The following GFRAL variants were observed in gnomAD, a reference collection of about 807,000 sequenced individuals.
GFRAL encodes GDNF family receptor alpha-like.
In GFRAL, 36 loss-of-function variants were observed where a neutral mutation model predicts 45.4. The observed-to-expected ratio is 0.79, with a 90% CI of 0.61 to 1.05. The LOEUF is 1.05. Ranked by LOEUF, GFRAL falls within the 50% of genes least tolerant of loss-of-function variation. GFRAL has a pLI of 0.00. For synonymous variants in GFRAL, 166 were observed against 154.1 expected (o/e 1.08, Z -0.57); for missense variants, 507 against 467.5 (o/e 1.08, Z -0.78).
intron 6 of GFRAL, among the ~76,000 whole-genome samples, chr6:55,366,800 G>A (rs1322091918): frequency 1.7e-5 from 2 of 116,658 alleles, no homozygotes; most frequent in Non-Finnish European, 3.4e-5. Flanking sequence ...ACTGTGGTCT[G>A]AGAGATAGTT....
intron 5 of GFRAL, among the ~76,000 whole-genome samples, chr6:55,354,756 C>CT (rs933629521): frequency 1.2e-4 from 18 of 151,908 alleles, no homozygotes; most frequent in African/African-American, 4.3e-4. Context: ...TGATACTTAT[C>CT]TTTTTTGCAG....
chr6:55,388,071 C>A (rs1768702544), intron 6 of GFRAL, among the ~76,000 whole-genome samples: 1 of 152,146 alleles, frequency 6.6e-6, no homozygotes, highest in Non-Finnish European at 1.5e-5. Context: ...TTTCTTCTAG[C>A]AATGATTTCC....
chr6:55,391,726 A>G (rs56258340), intron 6 of GFRAL, among the ~76,000 whole-genome samples: 20,200 of 152,192 alleles, frequency 0.13, 1,665 homozygotes, highest in African/African-American at 0.22. Context: ...GCAACAAAGC[A>G]AGAACTTATC....
At position 55,350,095 on chromosome 6, in the gene GFRAL, A is replaced by G; in HGVS notation, c.320A>G (p.Asn107Ser). Residue 107 changes from asparagine (N) to serine (S), a missense_variant, in exon 4 of 9, where the codon AAC becomes AGC. Physicochemically the swap from Asn to Ser is conservative, Grantham distance 46. Coordinates refer to ENST00000340465, the MANE Select transcript of GFRAL (RefSeq NM_207410.2). ...AATTTCTTTGTTTTCCTTCTAGATA[A>G]CGTGAAAGAGGATAAATTCAAATGG... ...LGKKCINKSD[N>S]VKEDKFKWNL... The G allele has an allele frequency of 1.3e-6, 2 of 1,515,860 alleles. No homozygotes were observed. Among genetic ancestry groups the G allele is most frequent in the Admixed American group, 3.4e-5 (2 of 59,392 alleles). The allele number at this position is 1,515,860 out of a possible 1,614,324, so 93.9% of individuals were successfully genotyped here. A position where few individuals can be genotyped will look rare whatever the true frequency, so the allele number is the denominator to read the frequency against.
rs1768905099 is a variant in GFRAL, at chr6:55,401,939, C to T, written c.*86C>T. Reference sequence around the variant, plus strand: ...TTTCTTCTCTCCTCTCCTCTCCTCTCTTCTCCTCTCCTCCCCTCCCCTCTC... The same window carrying T: ...TTTCTTCTCTCCTCTCCTCTCCTCTTTTCTCCTCTCCTCCCCTCCCCTCTC... On this transcript the variant is annotated 3_prime_UTR_variant, in exon 9 of 9. Coordinates refer to ENST00000340465, the MANE Select transcript of GFRAL (RefSeq NM_207410.2). 2.7e-6 allele frequency: 2 copies of T among 739,868 alleles called. No individual in the cohort carries two copies. The highest frequency in any genetic ancestry group is 3.3e-5 in the South Asian group (2 of 60,810). 45.8% of individuals were successfully genotyped at this position (739,868 alleles called of 1,614,324 possible).
intron 6 of GFRAL, among the ~76,000 whole-genome samples, chr6:55,362,522 C>T (rs901167887): frequency 6.6e-6 from 1 of 151,942 alleles, no homozygotes; most frequent in Non-Finnish European, 1.5e-5. Context: ...TCACAACAAA[C>T]TTACTTGTCT....
intron 6 of GFRAL, among the ~76,000 whole-genome samples, chr6:55,391,106 G>A (rs893196054): frequency 3.3e-5 from 5 of 152,092 alleles, no homozygotes; most frequent in Admixed American, 1.3e-4. Flanking sequence ...TCTAGTGGAC[G>A]ACTCATTTAA....
chr6:55,368,606 A>T (rs2127359973), intron 6 of GFRAL, among the ~76,000 whole-genome samples: 2 of 152,042 alleles, frequency 1.3e-5, no homozygotes, highest in East Asian at 3.9e-4. Flanking sequence ...ATGGTGATGT[A>T]CAGATGGGTT....
In GFRAL at chr6:55,399,460, G is replaced by C; in HGVS notation, c.1121+19G>C. ...AGCTTAGGTAACTGAATATAAATTAGAAGGAAAGGTCTGAAAGGGAGTCAC... is the reference window on the plus strand; with the variant it reads ...AGCTTAGGTAACTGAATATAAATTACAAGGAAAGGTCTGAAAGGGAGTCAC... On this transcript the variant is annotated intron_variant, in intron 8 of 8. Coordinates refer to ENST00000340465, the MANE Select transcript of GFRAL (RefSeq NM_207410.2). 1 of 1,524,660 alleles carries C rather than the reference G, an allele frequency of 6.6e-7. No individual in the cohort carries two copies. Among genetic ancestry groups the C allele is most frequent in the Non-Finnish European group, 9.1e-7 (1 of 1,098,690 alleles). 94.4% of individuals were successfully genotyped at this position (1,524,660 alleles called of 1,614,324 possible).
chr6:55,347,541 A>G (rs1768059262), intron 3 of GFRAL, among the ~76,000 whole-genome samples: 2 of 152,160 alleles, frequency 1.3e-5, no homozygotes, highest in Admixed American at 1.3e-4. Flanking sequence ...TTAATATTTG[A>G]CAAAAGAAAA....
chr6:55,345,271 T>A (rs1231412245), intron 3 of GFRAL, among the ~76,000 whole-genome samples: 2 of 152,172 alleles, frequency 1.3e-5, no homozygotes, highest in Non-Finnish European at 2.9e-5. Flanking sequence ...GCTGGAGGCA[T>A]CTTGCTACCT....
intron 6 of GFRAL, among the ~76,000 whole-genome samples, chr6:55,396,329 C>T (rs541361297): frequency 6.6e-6 from 1 of 152,146 alleles, no homozygotes; most frequent in African/African-American, 2.4e-5. Context: ...TTTCTAAACT[C>T]TGCTAGGTGA....
rs142530796 is a variant in GFRAL, at chr6:55,340,965, G to A, written c.316+7021G>A. ...TGAGATCAAACTGCAAGGCAGCAGC[G>A]AGGCTGAGGGAGGGACGCCTGTCAT... On this transcript the variant is annotated intron_variant, in intron 3 of 8. Coordinates refer to ENST00000340465, the MANE Select transcript of GFRAL (RefSeq NM_207410.2). 4.2e-3 allele frequency among the ~76,000 whole-genome samples: 647 copies of A among 152,302 alleles called. 2 individuals are homozygous for A. The highest frequency in any genetic ancestry group is 0.031 in the Middle Eastern group (9 of 294).
chr6:55,391,285 G>T (rs956910443), intron 6 of GFRAL, among the ~76,000 whole-genome samples: 3 of 151,964 alleles, frequency 2.0e-5, no homozygotes, highest in African/African-American at 7.3e-5. Context: ...AATAATCTTT[G>T]ATTTAATCCT....
At chr6:55,388,283 G>A (rs1312153405) in intron 6 of GFRAL, among the ~76,000 whole-genome samples, 2 of 152,182 alleles carry the variant, frequency 1.3e-5, no homozygotes, top group Non-Finnish European at 2.9e-5. Flanking sequence ...CTGAGTGCAT[G>A]TCTGCTTTAG....
intron 8 of GFRAL, among the ~76,000 whole-genome samples, chr6:55,401,052 G>A (rs1195811759): frequency 6.6e-6 from 1 of 152,138 alleles, no homozygotes; most frequent in East Asian, 1.9e-4. Context: ...TGTATTTGCT[G>A]TAACTTCGTC....
chr6:55,367,811 G>A (rs551323547), intron 6 of GFRAL, among the ~76,000 whole-genome samples: 6 of 152,196 alleles, frequency 3.9e-5, no homozygotes, highest in East Asian at 1.9e-4. Flanking sequence ...CAAGAGATCC[G>A]CTCTTAGTCT....
At chr6:55,393,673 G>A (rs555781021) in intron 6 of GFRAL, among the ~76,000 whole-genome samples, 9 of 152,108 alleles carry the variant, frequency 5.9e-5, no homozygotes, top group African/African-American at 2.2e-4. Flanking sequence ...GAGGCAAGGG[G>A]GGAGGAAAGA....
intron 3 of GFRAL, among the ~76,000 whole-genome samples, chr6:55,344,492 G>A (rs548395521): frequency 2.2e-4 from 33 of 152,120 alleles, no homozygotes; most frequent in East Asian, 1.2e-3. Flanking sequence ...ATTAAACAAC[G>A]CTTCATGCTA....
Sources: allele counts gnomAD v4.1 joint callset (sites outside exome capture counted in the v4.1 genomes callset), GRCh38; gene constraint gnomAD v4.1.1; transcripts MANE v1.5; gene names NCBI Gene and HGNC (gene_info 2026-07-23, HGNC 2026-07-21).